Variants in LRRTM4 observed in about 807,000 individuals in gnomAD.
LRRTM4 encodes leucine-rich repeat transmembrane neuronal protein 4.
A neutral mutation model predicts 47.6 loss-of-function variants in LRRTM4; 25 were observed. The observed-to-expected ratio is 0.53, with a 90% CI of 0.38 to 0.73. The LOEUF (loss-of-function observed/expected upper bound fraction) is 0.73, where lower values mean the gene tolerates loss of function less well. Ranked by LOEUF, LRRTM4 falls within the 30% of genes least tolerant of loss-of-function variation. The probability of loss-of-function intolerance (pLI) is 0.00; values close to 1 mark genes in which losing one functional copy is unlikely to be tolerated. For synonymous variants in LRRTM4, 311 were observed against 269.5 expected (o/e 1.15, Z -1.51); for missense variants, 638 against 713.4 (o/e 0.89, Z 1.20).
At chr2:77,129,938 C>T (rs1223696449) in intron 3 of LRRTM4, among the ~76,000 whole-genome samples, 4 of 152,044 alleles carry the variant, frequency 2.6e-5, no homozygotes, top group South Asian at 2.1e-4. Flanking sequence ...GAGAGAGTGA[C>T]GTGCCTAAAA....
At chr2:77,220,964 G>A (rs540639147) in intron 3 of LRRTM4, among the ~76,000 whole-genome samples, 2 of 152,278 alleles carry the variant, frequency 1.3e-5, no homozygotes, top group Admixed American at 1.3e-4. Context: ...AGAAAAGTCA[G>A]CTTACCCACA....
intron 3 of LRRTM4, among the ~76,000 whole-genome samples, chr2:77,043,369 G>T (rs933305841): frequency 4.0e-5 from 6 of 151,702 alleles, no homozygotes; most frequent in African/African-American, 1.5e-4. Flanking sequence ...GAGGATTTGG[G>T]CATTGTCTTC....
intron 3 of LRRTM4, among the ~76,000 whole-genome samples, chr2:77,318,037 C>T (rs545572133): frequency 1.2e-3 from 156 of 131,070 alleles, no homozygotes; most frequent in Middle Eastern, 0.011. Flanking sequence ...GACGGAGTCT[C>T]GCTCTGTCGC....
At chr2:77,109,357 G>T (rs1278931351) in intron 3 of LRRTM4, among the ~76,000 whole-genome samples, 1 of 152,182 alleles carries the variant, frequency 6.6e-6, no homozygotes, top group African/African-American at 2.4e-5. Flanking sequence ...TAGGAGGAAG[G>T]CTAAAAGATA....
chr2:77,521,690 G>T lies in LRRTM4; in HGVS notation c.-19C>A, dbSNP rs552901765. ...TACCCATCCTTTGTCATCCAAAAAC[G>T]TTTCCCCCCTCTCTCAGCTTTCTTC... is the stretch of plus-strand genomic sequence containing the variant. On this transcript the variant is annotated 5_prime_UTR_variant, in exon 2 of 4. Transcript: ENST00000409884. 8.1e-6 allele frequency: 13 copies of T among 1,611,834 alleles called. No individual in the cohort carries two copies. The South Asian group carries it at 1.2e-4, about 15-fold the overall frequency.
At chr2:77,003,970 G>T (rs1330589821) in intron 3 of LRRTM4, among the ~76,000 whole-genome samples, 1 of 152,168 alleles carries the variant, frequency 6.6e-6, no homozygotes, top group Non-Finnish European at 1.5e-5. Context: ...CTCTTCCTAT[G>T]CAAAGAAACT....
At chr2:77,393,741 A>G (rs1304230126) in intron 3 of LRRTM4, among the ~76,000 whole-genome samples, 1 of 151,920 alleles carries the variant, frequency 6.6e-6, no homozygotes, top group Non-Finnish European at 1.5e-5. Context: ...TAGGGAGAGA[A>G]TGACTATAGT....
At chr2:76,916,637 C>G (rs1237498422) in intron 3 of LRRTM4, among the ~76,000 whole-genome samples, 1 of 152,116 alleles carries the variant, frequency 6.6e-6, no homozygotes, top group Non-Finnish European at 1.5e-5. Flanking sequence ...AAAAACATCA[C>G]AAATTCAAGC....
At chr2:77,401,486 TTTC>T (rs1389173502) in intron 3 of LRRTM4, among the ~76,000 whole-genome samples, 1 of 151,940 alleles carries the variant, frequency 6.6e-6, no homozygotes. Flanking sequence ...CTTATTTTAT[TTTC>T]TTCTTATCCT....
intron 3 of LRRTM4, among the ~76,000 whole-genome samples, chr2:77,066,720 T>C: frequency 6.6e-6 from 1 of 152,258 alleles, no homozygotes; most frequent in African/African-American, 2.4e-5. Flanking sequence ...TGTATATTTT[T>C]ACATAGGAAA....
chr2:76,749,895 T>C (rs1240353774), intron 3 of LRRTM4, among the ~76,000 whole-genome samples: 1 of 152,222 alleles, frequency 6.6e-6, no homozygotes, highest in Non-Finnish European at 1.5e-5. Context: ...ATGAGAAAAG[T>C]GCAAAGGCTC....
intron 3 of LRRTM4, among the ~76,000 whole-genome samples, chr2:77,319,530 G>C (rs1313452704): frequency 6.6e-6 from 1 of 152,222 alleles, no homozygotes. Context: ...GCCTAGGGGA[G>C]TAAGTGGTTC....
At chr2:77,438,105 T>C (rs1266847665) in intron 3 of LRRTM4, among the ~76,000 whole-genome samples, 1 of 152,158 alleles carries the variant, frequency 6.6e-6, no homozygotes. Flanking sequence ...TAAAATGTTA[T>C]TTACAAAGTA....
chr2:77,145,023 A>T (rs1428409984), intron 3 of LRRTM4, among the ~76,000 whole-genome samples: 3 of 152,208 alleles, frequency 2.0e-5, no homozygotes, highest in Non-Finnish European at 4.4e-5. Flanking sequence ...CACTAAACAT[A>T]AGAAACCAAT....
intron 3 of LRRTM4, among the ~76,000 whole-genome samples, chr2:76,974,131 CATAT>C (rs1041999866): frequency 2.2e-4 from 27 of 120,936 alleles, no homozygotes; most frequent in Middle Eastern, 4.2e-3. Flanking sequence ...CACATTTGCT[CATAT>C]ATATACATAT....
Position 77,518,654 on chromosome 2 carries a change from G to A in LRRTM4, c.1215C>T (p.Ser405=), listed in dbSNP as rs866881204. Reference sequence around the variant, plus strand: ...CTGCGCCAGGAATCTGAAACCCTGGGGAAGGGCTTGGTGTTTCAAAGGTGG... The same window carrying A: ...CTGCGCCAGGAATCTGAAACCCTGGAGAAGGGCTTGGTGTTTCAAAGGTGG... ...TQSTFETPSP[S]PGFQIPGAEQ... The change falls in exon 3 of 4, where the codon TCC becomes TCT. Residue 405 remains serine (S), a synonymous_variant. Coordinates refer to ENST00000409884, the MANE Select transcript of LRRTM4 (RefSeq NM_001134745.3). 7 of 1,613,422 alleles carry A rather than the reference G, an allele frequency of 4.3e-6. No individual in the cohort carries two copies. The highest frequency in any genetic ancestry group is 5.1e-6 in the Non-Finnish European group (6 of 1,179,628).
At chr2:77,392,060 G>A (rs1347247099) in intron 3 of LRRTM4, among the ~76,000 whole-genome samples, 1 of 151,896 alleles carries the variant, frequency 6.6e-6, no homozygotes, top group African/African-American at 2.4e-5. Flanking sequence ...TCCCTTACTA[G>A]GTCCCTCCAA....
chr2:77,139,202 G>T (rs1373334174), intron 3 of LRRTM4, among the ~76,000 whole-genome samples: 2 of 152,134 alleles, frequency 1.3e-5, no homozygotes, highest in African/African-American at 4.8e-5. Context: ...TATCCCTGAT[G>T]AACATTGATG....
intron 3 of LRRTM4, among the ~76,000 whole-genome samples, chr2:76,913,186 T>C (rs1199689970): frequency 1.3e-5 from 2 of 152,342 alleles, no homozygotes; most frequent in East Asian, 1.9e-4. Flanking sequence ...GACCCATTTG[T>C]TTGAAATATT....
Sources: gnomAD v4.1 joint callset for allele counts (sites outside exome capture counted in the v4.1 genomes callset) on GRCh38, gnomAD v4.1.1 for gene constraint, MANE v1.5 for transcripts, NCBI Gene and HGNC (gene_info 2026-07-23, HGNC 2026-07-21) for gene names.